The following FARP1 variants were observed in gnomAD, a reference collection of about 807,000 sequenced individuals.
FARP1 encodes the protein FERM, ARH/RhoGEF and pleckstrin domain protein 1.
In FARP1, 52 loss-of-function variants were observed where a neutral mutation model predicts 128.8. That is an observed-to-expected ratio of 0.40 (90% confidence interval 0.32 to 0.51). The LOEUF (loss-of-function observed/expected upper bound fraction) is 0.51. Among genes scored for constraint, FARP1 ranks in the 20% least tolerant of loss-of-function variants. The pLI is 0.45. For missense variants in FARP1, 1,333 were observed against 1,367.9 expected, an observed-to-expected ratio of 0.97 and a Z score of 0.40; for synonymous variants, 580 against 551.8, an observed-to-expected ratio of 1.05 and a Z score of -0.72.
intron 1 of FARP1, among the ~76,000 whole-genome samples, chr13:98,188,161 C>G (rs1879002436): frequency 6.6e-6 from 1 of 152,156 alleles, no homozygotes; most frequent in South Asian, 2.1e-4. Context: ...GGGCCGAACA[C>G]CCCTCGCATT....
intron 2 of FARP1, among the ~76,000 whole-genome samples, chr13:98,311,891 T>G (rs1324501938): frequency 6.6e-6 from 1 of 151,340 alleles, no homozygotes. Flanking sequence ...TCACCCAGGC[T>G]GGAGTATAGT....
intron 2 of FARP1, among the ~76,000 whole-genome samples, chr13:98,308,017 C>T (rs1886248480): frequency 7.0e-6 from 1 of 143,764 alleles, no homozygotes; most frequent in South Asian, 2.3e-4. Flanking sequence ...CCCCTCCGCC[C>T]GCCCCCACTC....
In FARP1 at chr13:98,410,827, T is replaced by C; in HGVS notation, c.1692+4T>C. On this transcript the variant is annotated splice_donor_region_variant and intron_variant, in intron 15 of 26. Coordinates refer to ENST00000319562, the MANE Select transcript of FARP1 (RefSeq NM_005766.4). ...GGATCTCGAAGTTATCACTTCGGTA[T>C]GTGCAGTATTTCCCCAAAAGCATTC... 6.8e-7 allele frequency: 1 copy of C among 1,480,052 alleles called. No homozygotes were observed. Among genetic ancestry groups the C allele is most frequent in the South Asian group, 1.2e-5 (1 of 86,198 alleles). The allele number at this position is 1,480,052 out of a possible 1,614,324, so 91.7% of individuals were successfully genotyped here. A position where few individuals can be genotyped will look rare whatever the true frequency, so the allele number is the denominator to read the frequency against.
At chr13:98,393,765 TC>T (rs750778070) in intron 12 of FARP1, 47 bp downstream of exon 12, 2 of 1,414,542 alleles carry the variant, frequency 1.4e-6, no homozygotes, top group Non-Finnish European at 2.0e-6. Flanking sequence ...TCCCCACACT[TC>T]CTCCACGGAG....
intron 14 of FARP1, among the ~76,000 whole-genome samples, chr13:98,410,127 A>G (rs144504559): frequency 6.6e-6 from 1 of 152,350 alleles, no homozygotes; most frequent in African/African-American, 2.4e-5. Flanking sequence ...GTGGACTCCT[A>G]TGAGAAGTGG....
intron 26 of FARP1, 123 bp from the exon 27 acceptor site, chr13:98,448,113 T>G: frequency 1.3e-6 from 1 of 783,612 alleles, no homozygotes. Flanking sequence ...GCTCTTCTGC[T>G]GAAGTGGCAG....
At chr13:98,239,900 C>G (rs536317305) in intron 2 of FARP1, among the ~76,000 whole-genome samples, 133 of 152,234 alleles carry the variant, frequency 8.7e-4, no homozygotes, top group African/African-American at 3.1e-3. Context: ...TGCCTCCCAG[C>G]AGGTGAAGGA....
chr13:98,145,636 C>G (rs1413294453), intron 1 of FARP1, among the ~76,000 whole-genome samples: 1 of 152,038 alleles, frequency 6.6e-6, no homozygotes, highest in East Asian at 1.9e-4. Context: ...TTTGGGAGAC[C>G]GAGGCGGATC....
intron 2 of FARP1, among the ~76,000 whole-genome samples, chr13:98,296,536 C>T (rs1282833881): frequency 6.6e-6 from 1 of 151,800 alleles, no homozygotes; most frequent in Non-Finnish European, 1.5e-5. Context: ...TCATGCACAT[C>T]CTCCACTCCT....
chr13:98,150,865 T>G (rs914962200), intron 1 of FARP1, among the ~76,000 whole-genome samples: 1 of 152,102 alleles, frequency 6.6e-6, no homozygotes, highest in Non-Finnish European at 1.5e-5. Context: ...TGAGTTGTGT[T>G]TGTTCTTTGG....
At chr13:98,381,464 AT>A (rs1166799839) in intron 6 of FARP1, 1 of 151,986 alleles carries the variant, frequency 6.6e-6, no homozygotes, top group Non-Finnish European at 1.5e-5. Flanking sequence ...GATAGTCTGT[AT>A]TTTTTCATTT....
At chr13:98,431,467 T>C (rs1283363213) in intron 18 of FARP1, 187 bp downstream of exon 18, 31 of 517,312 alleles carry the variant, frequency 6.0e-5, no homozygotes, top group Admixed American at 3.6e-5. Context: ...CTTGATTTTT[T>C]TTTTTTTTTT....
chr13:98,348,916 C>G (rs180777041), intron 3 of FARP1, among the ~76,000 whole-genome samples: 1 of 152,184 alleles, frequency 6.6e-6, no homozygotes, highest in Non-Finnish European at 1.5e-5. Context: ...GTAACGTGCC[C>G]AGTCCTTAAC....
rs1275189375 is a variant in FARP1, at chr13:98,435,557, G to A, written c.2144-19G>A. On this transcript the variant is annotated intron_variant, in intron 18 of 26. Transcript: ENST00000319562. Reference sequence around the variant, plus strand: ...GCCTGCCTTTCCCGCTGCAGACTGTGTATGTCTTTCCTTCACAGCCGCTTT... The same window carrying A: ...GCCTGCCTTTCCCGCTGCAGACTGTATATGTCTTTCCTTCACAGCCGCTTT... 1 of 1,601,196 alleles carries A rather than the reference G, an allele frequency of 6.2e-7. No homozygotes were observed. The highest frequency in any genetic ancestry group is 8.5e-7 in the Non-Finnish European group (1 of 1,173,038).
At chr13:98,357,449 G>T (rs960769669) in intron 3 of FARP1, among the ~76,000 whole-genome samples, 3 of 152,114 alleles carry the variant, frequency 2.0e-5, no homozygotes, top group Non-Finnish European at 4.4e-5. Flanking sequence ...TAAATTTTGT[G>T]TGTGTTTCAT....
chr13:98,423,407 C>A (rs1891664354), intron 16 of FARP1, among the ~76,000 whole-genome samples: 1 of 151,962 alleles, frequency 6.6e-6, no homozygotes, highest in African/African-American at 2.4e-5. Flanking sequence ...AAGCCTAGTG[C>A]CAGTTTTGTT....
chr13:98,439,107 T>C lies in FARP1; in HGVS notation c.2344T>C (p.Phe782Leu). The C allele has an allele frequency of 6.2e-7, 1 of 1,612,958 alleles. No individual in the cohort carries two copies. The highest frequency in any genetic ancestry group is 8.5e-7 in the Non-Finnish European group (1 of 1,179,294). The part of the protein sequence containing the change: ...KGLQQRMFFL[F>L]NDVLLYTSRG... ...CTCCACACACTTCTGATTCCTCCAG[T>C]TCAACGACGTCCTGCTATACACGAG... The change falls in exon 21 of 27, where the codon TTC becomes CTC. Residue 782 changes from phenylalanine to leucine, a missense_variant and splice_region_variant. Transcript: ENST00000319562.
At chr13:98,342,869 A>G (rs1223229723) in intron 2 of FARP1, among the ~76,000 whole-genome samples, 1 of 151,634 alleles carries the variant, frequency 6.6e-6, no homozygotes, top group Non-Finnish European at 1.5e-5. Flanking sequence ...TACTAAAAAT[A>G]TAAAATTAGC....
At chr13:98,180,467 C>G (rs1878428042) in intron 1 of FARP1, among the ~76,000 whole-genome samples, 1 of 152,128 alleles carries the variant, frequency 6.6e-6, no homozygotes, top group African/African-American at 2.4e-5. Flanking sequence ...CAAACCGTAT[C>G]AGAAAATTTT....
Sources: allele counts gnomAD v4.1 joint callset (sites outside exome capture counted in the v4.1 genomes callset), GRCh38; gene constraint gnomAD v4.1.1; transcripts MANE v1.5; gene names NCBI Gene and HGNC (gene_info 2026-07-23, HGNC 2026-07-21).